Variants in SH3GL2 observed in about 807,000 individuals in gnomAD.
SH3GL2 encodes the protein endophilin-A1.
In SH3GL2, 24 loss-of-function variants were observed where a neutral mutation model predicts 46.0. That is an observed-to-expected ratio of 0.52 (90% CI 0.38 to 0.73). The LOEUF (loss-of-function observed/expected upper bound fraction) is 0.73, where lower values mean the gene tolerates loss of function less well. SH3GL2 is among the 30% of genes least tolerant of loss of function. SH3GL2 has a pLI of 0.00. For synonymous variants in SH3GL2, 196 were observed against 147.1 expected (o/e 1.33, Z -2.40); for missense variants, 413 against 424.2 (o/e 0.97, Z 0.23).
intron 1 of SH3GL2, among the ~76,000 whole-genome samples, chr9:17,693,586 A>G (rs73645137): frequency 1.3e-5 from 2 of 152,316 alleles, no homozygotes; most frequent in African/African-American, 4.8e-5. Context: ...ACACACATAT[A>G]AAAAGAAAGG....
chr9:17,787,372 T>C lies in SH3GL2; in HGVS notation c.332-8T>C, dbSNP rs780607484. The stretch of plus-strand genomic sequence containing the variant: ...TCTGTAACATGAAAGAGCTTTATTC[T>C]CTCCTAGGCCCAGCACTTGGTGAGG... On this transcript the variant is annotated splice_polypyrimidine_tract_variant and splice_region_variant and intron_variant, in intron 4 of 8. Coordinates refer to ENST00000380607, the MANE Select transcript of SH3GL2 (RefSeq NM_003026.5). 37 of 1,607,778 alleles carry C rather than the reference T, an allele frequency of 2.3e-5. No individual in the cohort carries two copies. The highest frequency in any genetic ancestry group is 5.1e-5 in the Admixed American group (3 of 58,714).
intron 1 of SH3GL2, among the ~76,000 whole-genome samples, chr9:17,742,414 A>G (rs1449155702): frequency 2.0e-5 from 3 of 152,178 alleles, no homozygotes; most frequent in South Asian, 2.1e-4. Context: ...TATTTGGTAT[A>G]TGGAAAAAAT....
chr9:17,782,766 A>T (rs1236337250), intron 3 of SH3GL2, among the ~76,000 whole-genome samples: 1 of 152,162 alleles, frequency 6.6e-6, no homozygotes, highest in African/African-American at 2.4e-5. Context: ...TTTTATAAAA[A>T]ATTAAAATGT....
chr9:17,646,768 G>A lies in SH3GL2; in HGVS notation c.45+67481G>A, dbSNP rs371850037. On this transcript the variant is annotated intron_variant, in intron 1 of 8. Transcript: ENST00000380607. ...GAAGCTTCATCCCACAGGGGCAACTGCCAGATGCCAGCCAGAGCTCTCCTT... is the reference window on the plus strand; with the variant it reads ...GAAGCTTCATCCCACAGGGGCAACTACCAGATGCCAGCCAGAGCTCTCCTT... 1.1e-4 allele frequency among the ~76,000 whole-genome samples: 16 copies of A among 152,292 alleles called. No individual in the cohort carries two copies. The East Asian group carries it at 1.2e-3, about 11-fold the overall frequency.
intron 1 of SH3GL2, among the ~76,000 whole-genome samples, chr9:17,659,046 G>A (rs531561374): frequency 1.4e-4 from 21 of 152,180 alleles, no homozygotes; most frequent in Non-Finnish European, 2.9e-4. Flanking sequence ...AGAAGAAAAT[G>A]GTGATGGAAG....
In SH3GL2 at chr9:17,608,196, G is replaced by T. The variant is rs1818794649; in HGVS notation, c.45+28909G>T. Among the ~76,000 whole-genome samples, 3 of 138,812 alleles carry T rather than the reference G, an allele frequency of 2.2e-5. No individual in the cohort carries two copies. The Admixed American group carries it at 2.4e-4, about 11-fold the overall frequency. The allele number at this position is 138,812 out of a possible 152,430, so 91.1% of individuals were successfully genotyped here. A position where few individuals can be genotyped will look rare whatever the true frequency, so the allele number is the denominator to read the frequency against. On this transcript the variant is annotated intron_variant, in intron 1 of 8. Coordinates refer to ENST00000380607, the MANE Select transcript of SH3GL2 (RefSeq NM_003026.5). Reference sequence around the variant, plus strand: ...GGAGTCTTGCTCTGTTGCCCAGGCTGGAGTGCAGTGGCACAATCTCAGCTC... The same window carrying T: ...GGAGTCTTGCTCTGTTGCCCAGGCTTGAGTGCAGTGGCACAATCTCAGCTC...
At chr9:17,592,445 C>T (rs1272171545) in intron 1 of SH3GL2, among the ~76,000 whole-genome samples, 1 of 152,198 alleles carries the variant, frequency 6.6e-6, no homozygotes, top group African/African-American at 2.4e-5. Flanking sequence ...AAAACTGAAT[C>T]AGTGTACCAT....
intron 1 of SH3GL2, among the ~76,000 whole-genome samples, chr9:17,634,824 C>T (rs1370574721): frequency 6.6e-6 from 1 of 152,166 alleles, no homozygotes; most frequent in African/African-American, 2.4e-5. Flanking sequence ...ACACAATACA[C>T]ACATGATCTG....
intron 1 of SH3GL2, among the ~76,000 whole-genome samples, chr9:17,722,659 A>G (rs1588273806): frequency 6.6e-6 from 1 of 152,018 alleles, no homozygotes; most frequent in African/African-American, 2.4e-5. Context: ...TTTTTTTTAA[A>G]AAGAATTCCT....
intron 3 of SH3GL2, among the ~76,000 whole-genome samples, chr9:17,766,905 G>T (rs775483194): frequency 2.5e-4 from 38 of 152,050 alleles, no homozygotes; most frequent in Non-Finnish European, 4.4e-4. Flanking sequence ...ATGGATTCTT[G>T]ATTTAGAATT....
chr9:17,608,894 G>T (rs558861963), intron 1 of SH3GL2, among the ~76,000 whole-genome samples: 103 of 152,328 alleles, frequency 6.8e-4, no homozygotes, highest in African/African-American at 1.9e-3. Context: ...TGGCTGCATT[G>T]CATTTCATTT....
At chr9:17,684,764 A>G (rs1475156634) in intron 1 of SH3GL2, among the ~76,000 whole-genome samples, 1 of 152,154 alleles carries the variant, frequency 6.6e-6, no homozygotes. Flanking sequence ...CAGACTTCTC[A>G]TCAGAATTAG....
intron 1 of SH3GL2, among the ~76,000 whole-genome samples, chr9:17,591,642 G>A (rs748546430): frequency 5.3e-5 from 8 of 152,214 alleles, no homozygotes; most frequent in Non-Finnish European, 1.0e-4. Flanking sequence ...AGTGCTGAGA[G>A]CACGGTTGTT....
At chr9:17,792,770 C>T (rs1420218751) in intron 7 of SH3GL2, among the ~76,000 whole-genome samples, 1 of 152,144 alleles carries the variant, frequency 6.6e-6, no homozygotes, top group East Asian at 1.9e-4. Context: ...GACTCCTTCC[C>T]ACCTTCACCC....
intron 1 of SH3GL2, among the ~76,000 whole-genome samples, chr9:17,631,537 G>T (rs1214057489): frequency 6.6e-6 from 1 of 152,132 alleles, no homozygotes; most frequent in African/African-American, 2.4e-5. Context: ...GTAGGTAAGT[G>T]GTTTCTATCC....
At chr9:17,703,440 C>G (rs576217605) in intron 1 of SH3GL2, among the ~76,000 whole-genome samples, 1 of 152,044 alleles carries the variant, frequency 6.6e-6, no homozygotes, top group African/African-American at 2.4e-5. Flanking sequence ...TCCTCCTTAA[C>G]TCATTCTGTG....
At chr9:17,622,713 A>G (rs755239931) in intron 1 of SH3GL2, among the ~76,000 whole-genome samples, 4 of 152,128 alleles carry the variant, frequency 2.6e-5, no homozygotes, top group Admixed American at 6.6e-5. Flanking sequence ...GCTGGTAGGT[A>G]GGTGCTCTTG....
intron 6 of SH3GL2, among the ~76,000 whole-genome samples, 178 bp from the exon 7 acceptor site, chr9:17,791,053 C>G (rs563666897): frequency 2.6e-5 from 4 of 152,142 alleles, no homozygotes; most frequent in Admixed American, 6.5e-5. Flanking sequence ...TTCTTTTATC[C>G]TTGATGGATT....
At chr9:17,591,341 C>G (rs1167228218) in intron 1 of SH3GL2, 2 of 152,018 alleles carry the variant, frequency 1.3e-5, no homozygotes, top group Admixed American at 1.3e-4. Flanking sequence ...AGTGTTGTCA[C>G]CCCTCCAGTG....
Sources: allele counts gnomAD v4.1 joint callset (sites outside exome capture counted in the v4.1 genomes callset), GRCh38; gene constraint gnomAD v4.1.1; transcripts MANE v1.5; gene names NCBI Gene and HGNC (gene_info 2026-07-23, HGNC 2026-07-21).